Variants in ARHGEF10L observed in about 807,000 individuals in gnomAD.
ARHGEF10L encodes the protein rho guanine nucleotide exchange factor 10-like protein.
In ARHGEF10L, 69 loss-of-function variants were observed where a neutral mutation model predicts 141.2. That is an observed-to-expected ratio of 0.49 (90% CI 0.40 to 0.60). The LOEUF is 0.60. Among genes scored for constraint, ARHGEF10L ranks in the 20% least tolerant of loss-of-function variants. The probability of loss-of-function intolerance (pLI) is 0.00; values close to 1 mark genes in which losing one functional copy is unlikely to be tolerated. For synonymous variants in ARHGEF10L, 711 were observed against 718.5 expected, an observed-to-expected ratio of 0.99 and a Z score of 0.17; for missense variants, 1,482 against 1,734.3, an observed-to-expected ratio of 0.85 and a Z score of 2.58.
chr1:17,642,493 C>T (rs6665682), intron 21 of ARHGEF10L, among the ~76,000 whole-genome samples: 21,137 of 152,022 alleles, frequency 0.14, 1,600 homozygotes, highest in Middle Eastern at 0.17. Context: ...GATAGTGTCC[C>T]GATCTGATTT....
intron 1 of ARHGEF10L, among the ~76,000 whole-genome samples, chr1:17,542,138 C>T (rs1274884280): frequency 6.8e-6 from 1 of 147,858 alleles, no homozygotes; most frequent in African/African-American, 2.5e-5. Context: ...GATTCTATCT[C>T]AAAAGAAAAA....
rs925207666 is a variant in ARHGEF10L at position 17,627,921 on chromosome 1, C to T, written c.1584+418C>T. Among the ~76,000 whole-genome samples, 1 of 152,090 alleles carries T rather than the reference C, an allele frequency of 6.6e-6. No homozygotes were observed. Among genetic ancestry groups the T allele is most frequent in the Non-Finnish European group, 1.5e-5 (1 of 68,042 alleles). ...ATTTAATAGCACCGGAGCCCTAGGG[C>T]TGCTGCCGCAAAAGAGGGAGCTGGC... On this transcript the variant is annotated intron_variant, in intron 15 of 28. Coordinates refer to ENST00000361221, the MANE Select transcript of ARHGEF10L (RefSeq NM_018125.4). The surrounding 1 kb of genome is among the most constrained non-coding windows in gnomAD (Gnocchi z 4.0).
rs531109719 is a variant in ARHGEF10L, at chr1:17,587,643, C to T, written c.221C>T (p.Thr74Ile). The T allele has an allele frequency of 1.9e-6, 3 of 1,609,576 alleles. No individual in the cohort carries two copies. The Admixed American group carries it at 5.1e-5, about 27-fold the overall frequency. Reference sequence around the variant, plus strand: ...ATCCACTTGGACTCCATCCCTGTCACTGGTAAGATGTTTCTGGGAACTTCC... The same window carrying T: ...ATCCACTTGGACTCCATCCCTGTCATTGGTAAGATGTTTCTGGGAACTTCC... ...PLIHLDSIPV[T>I]DPDPAAAPPG... Residue 74 changes from threonine (T) to isoleucine (I), a missense_variant and splice_region_variant, in exon 3 of 29, where the codon ACT (threonine) becomes ATT (isoleucine). Physicochemically the swap from Thr to Ile is moderately conservative, Grantham distance 89. Around this residue, in one of 3 missense-constraint regions of ARHGEF10L, gnomAD observed 232 missense variants for 225.9 expected, o/e 1.03. Coordinates refer to ENST00000361221, the MANE Select transcript of ARHGEF10L (RefSeq NM_018125.4).
Position 17,656,726 on chromosome 1 carries a change from T to G in ARHGEF10L, c.2860+18T>G. Reference sequence around the variant, plus strand: ...GACCAGCGGTGAGGACTGGGGGGAATGGGGGAAGGGGGGCAGTCCTGGATG... The same window carrying G: ...GACCAGCGGTGAGGACTGGGGGGAAGGGGGGAAGGGGGGCAGTCCTGGATG... On this transcript the variant is annotated intron_variant, in intron 25 of 28. Coordinates refer to ENST00000361221, the MANE Select transcript of ARHGEF10L (RefSeq NM_018125.4). The surrounding 1 kb of genome is among the most constrained non-coding windows in gnomAD (Gnocchi z 4.9). 1 of 1,602,984 alleles carries G rather than the reference T, an allele frequency of 6.2e-7. No homozygotes were observed. The highest frequency in any genetic ancestry group is 2.2e-5 in the East Asian group (1 of 44,536).
intron 26 of ARHGEF10L, among the ~76,000 whole-genome samples, chr1:17,687,099 A>G (rs1477241216): frequency 1.3e-5 from 2 of 151,898 alleles, no homozygotes; most frequent in Non-Finnish European, 2.9e-5. Flanking sequence ...TTCCCCGGTC[A>G]TTCTCTCGGT....
intron 1 of ARHGEF10L, among the ~76,000 whole-genome samples, chr1:17,542,724 A>C (rs193124797): frequency 3.5e-4 from 54 of 152,310 alleles, no homozygotes; most frequent in African/African-American, 1.3e-3. Flanking sequence ...ACAACACCCT[A>C]GTAGTTAGGC....
Position 17,602,256 on chromosome 1 carries a change from G to A in ARHGEF10L, c.349+38G>A, listed in dbSNP as rs2100941253. 2.6e-6 allele frequency: 4 copies of A among 1,543,800 alleles called. No homozygotes were observed. In the South Asian group the frequency reaches 3.6e-5, roughly 14 times the overall value. ...TCCGGCCCACCGCCCACCCCAGGTA[G>A]CAAGCTCCAGGATATTCTAGTCTTT... is the stretch of plus-strand genomic sequence containing the variant. On this transcript the variant is annotated intron_variant, in intron 5 of 28. Transcript: ENST00000361221.
rs919523369 is a variant in ARHGEF10L at position 17,607,079 on chromosome 1, GC to G, written c.434-720del. Among the ~76,000 whole-genome samples the G allele has an allele frequency of 3.3e-5, 5 of 152,196 alleles. No homozygotes were observed. The highest frequency in any genetic ancestry group is 1.2e-4 in the African/African-American group (5 of 41,454). On this transcript the variant is annotated intron_variant, in intron 6 of 28. Coordinates refer to ENST00000361221, the MANE Select transcript of ARHGEF10L (RefSeq NM_018125.4). The surrounding 1 kb of genome is among the most constrained non-coding windows in gnomAD (Gnocchi z 4.5). Reference sequence around the variant, plus strand: ...CGTGAAGTCAGATTTGGGGTGAGGAGCCCTGAGGCCCCAACAATCTCTGTTT... The same window carrying G: ...CGTGAAGTCAGATTTGGGGTGAGGAGCCTGAGGCCCCAACAATCTCTGTTT...
At chr1:17,608,880 G>A (rs2059395474) in intron 7 of ARHGEF10L, among the ~76,000 whole-genome samples, 1 of 152,130 alleles carries the variant, frequency 6.6e-6, no homozygotes, top group Admixed American at 6.5e-5. Flanking sequence ...TGTTTCCTGG[G>A]TTCAAGCAAT....
At chr1:17,538,756 G>T (rs1393454793), upstream of ARHGEF10L, among the ~76,000 whole-genome samples, 1 of 150,494 alleles carries the variant, frequency 6.6e-6, no homozygotes, top group Non-Finnish European at 1.5e-5. Flanking sequence ...AGCTGAAAAT[G>T]ATTTCAACCT....
At chr1:17,598,140 C>G (rs1013458736) in intron 4 of ARHGEF10L, among the ~76,000 whole-genome samples, 3 of 149,738 alleles carry the variant, frequency 2.0e-5, no homozygotes, top group African/African-American at 7.4e-5. Context: ...ATTGCCCTGT[C>G]CCTCAGGCTG....
upstream of ARHGEF10L, among the ~76,000 whole-genome samples, chr1:17,539,648 C>A (rs2076641160): frequency 1.3e-5 from 2 of 149,848 alleles, no homozygotes; most frequent in Admixed American, 1.3e-4. The surrounding 1 kb of genome is among the most constrained non-coding windows in gnomAD (Gnocchi z 6.0). Context: ...AGGGGTTAAG[C>A]GGTGACCTCA....
chr1:17,618,586 C>T (rs1230493308), intron 9 of ARHGEF10L: 8 of 1,197,166 alleles, frequency 6.7e-6, no homozygotes, highest in African/African-American at 1.6e-5. Flanking sequence ...CTTCTTCTTT[C>T]CTCCCCAGCT....
the ARHGEF10L span, among the ~76,000 whole-genome samples, chr1:17,514,910 C>G: frequency 6.6e-6 from 1 of 152,128 alleles, no homozygotes; most frequent in Non-Finnish European, 1.5e-5. Context: ...CCAGCGGCCC[C>G]GTCCAGCCCA....
intron 1 of ARHGEF10L, among the ~76,000 whole-genome samples, chr1:17,542,545 G>C (rs2076767426): frequency 6.6e-6 from 1 of 152,300 alleles, no homozygotes; most frequent in African/African-American, 2.4e-5. Flanking sequence ...TGTTGGGCTA[G>C]ATGCTTTAAG....
chr1:17,673,155 T>A lies in ARHGEF10L; in HGVS notation c.3009+8560T>A, dbSNP rs1036193050. 6.6e-6 allele frequency among the ~76,000 whole-genome samples: 1 copy of A among 152,112 alleles called. No individual in the cohort carries two copies. The highest frequency in any genetic ancestry group is 2.4e-5 in the African/African-American group (1 of 41,414). On this transcript the variant is annotated intron_variant, in intron 26 of 28. Transcript: ENST00000361221. This position sits in a 1 kb window ranked among gnomAD's most constrained non-coding sequence, Gnocchi z 4.1. ...AGGGAACCGGTACAGGGAAGGCGGA[T>A]GAACAGACATCGTGGAGAGGACATA...
rs760436961 is a variant in ARHGEF10L, at chr1:17,588,470, C to T, written c.248C>T (p.Pro83Leu). 2 of 1,614,018 alleles carry T rather than the reference C, an allele frequency of 1.2e-6. No homozygotes were observed. The highest frequency in any genetic ancestry group is 1.7e-6 in the Non-Finnish European group (2 of 1,179,958). The change falls in exon 4 of 29, where the codon CCC becomes CTC. Residue 83 changes from proline (P) to leucine (L), a missense_variant. By Grantham distance (98) the Pro-to-Leu change is moderately conservative. This residue lies in a region of ARHGEF10L where 232 missense variants were observed against 225.9 expected (regional missense o/e 1.03). Coordinates refer to ENST00000361221, the MANE Select transcript of ARHGEF10L (RefSeq NM_018125.4). ...GACCCAGACCCAGCAGCTGCTCCAC[C>T]CGGCACAGGGTAAGTGAACCTTGCT... is the stretch of plus-strand genomic sequence containing the variant. ...VTDPDPAAAPPGTGVPAWVSN... is the reference protein window; with the variant it reads ...VTDPDPAAAPLGTGVPAWVSN...
chr1:17,551,181 T>C (rs1431366798), intron 1 of ARHGEF10L, among the ~76,000 whole-genome samples: 5 of 152,158 alleles, frequency 3.3e-5, no homozygotes, highest in Non-Finnish European at 7.3e-5. Flanking sequence ...TGTCTGTCCT[T>C]GCATTCCTCT....
At chr1:17,557,743 A>G (rs1357986236) in intron 1 of ARHGEF10L, among the ~76,000 whole-genome samples, 1 of 152,168 alleles carries the variant, frequency 6.6e-6, no homozygotes, top group Non-Finnish European at 1.5e-5. Flanking sequence ...GACTCATGTA[A>G]TTGTAAGGCC....
Sources: allele counts gnomAD v4.1 joint callset (sites outside exome capture counted in the v4.1 genomes callset), GRCh38; gene constraint gnomAD v4.1.1; regional missense constraint gnomAD v4.1.1; non-coding constraint Gnocchi (gnomAD v3.1); transcripts MANE v1.5; gene names NCBI Gene and HGNC (gene_info 2026-07-23, HGNC 2026-07-21).